C1QTNF3: variants seen among roughly 807,000 people sequenced by gnomAD.
The protein encoded by C1QTNF3 is C1q and TNF related 3.
In C1QTNF3, 26 loss-of-function variants were observed where a neutral mutation model predicts 32.6. That is an observed-to-expected ratio of 0.80 (90% CI 0.58 to 1.11). C1QTNF3 has a LOEUF of 1.11. Among genes scored for constraint, C1QTNF3 ranks in the 50% least tolerant of loss-of-function variants. C1QTNF3 has a pLI of 0.00. For missense variants in C1QTNF3, 362 were observed against 398.2 expected (o/e 0.91, Z 0.77); for synonymous variants, 155 against 146.0 (o/e 1.06, Z -0.44).
chr5:34,140,965 CAT>C, the C1QTNF3 span, among the ~76,000 whole-genome samples: 1 of 152,188 alleles, frequency 6.6e-6, no homozygotes, highest in Non-Finnish European at 1.5e-5. Flanking sequence ...GGTTAATGGA[CAT>C]AGACTCATAA....
Position 34,042,869 on chromosome 5 carries a change from T to C in C1QTNF3, c.257A>G (p.His86Arg). 1.9e-6 allele frequency: 3 copies of C among 1,614,152 alleles called. No individual in the cohort carries two copies. Among genetic ancestry groups the C allele is most frequent in the Non-Finnish European group, 1.7e-6 (2 of 1,180,026 alleles). ...LKSLRPDELP[H>R]PEVDDLAQIT... The stretch of plus-strand genomic sequence containing the variant: ...CTGGGCTAGGTCATCTACCTCGGGG[T>C]GCGGTAGCTCATCTGGTCTCAGGGA... Residue 86 changes from histidine to arginine, a missense_variant, in exon 1 of 6, where the codon CAC becomes CGC. His to Arg is a conservative substitution (Grantham distance 29). Transcript: ENST00000382065.
At chr5:34,080,370 A>G in the C1QTNF3 span, among the ~76,000 whole-genome samples, 3 of 151,816 alleles carry the variant, frequency 2.0e-5, no homozygotes, top group Non-Finnish European at 4.4e-5. Flanking sequence ...TCGAAGAGCT[A>G]CTAAGTGTGA....
chr5:34,084,357 G>A, the C1QTNF3 span, among the ~76,000 whole-genome samples: 75 of 151,876 alleles, frequency 4.9e-4, 6 homozygotes, highest in African/African-American at 1.7e-3. Context: ...GACATTCGCT[G>A]AGAGTAAAGT....
chr5:34,233,980 A>G, the C1QTNF3 span, among the ~76,000 whole-genome samples: 101 of 152,148 alleles, frequency 6.6e-4, no homozygotes, highest in Non-Finnish European at 1.5e-4. Context: ...CCTTTTTCTT[A>G]TTTAAAAAAA....
the C1QTNF3 span, chr5:34,158,793 T>C: frequency 6.6e-6 from 1 of 152,154 alleles, no homozygotes; most frequent in Non-Finnish European, 1.5e-5. Context: ...GAATATTTTT[T>C]CTGTTAATCT....
chr5:34,113,579 T>C, the C1QTNF3 span, among the ~76,000 whole-genome samples: 2 of 152,204 alleles, frequency 1.3e-5, no homozygotes, highest in Non-Finnish European at 2.9e-5. Flanking sequence ...AAAAATGATA[T>C]GACCTTATTA....
the C1QTNF3 span, among the ~76,000 whole-genome samples, chr5:34,059,481 C>T: frequency 4.6e-5 from 7 of 152,198 alleles, no homozygotes; most frequent in East Asian, 3.9e-4. Context: ...ATCAAGGCAC[C>T]ATCAGATTCA....
the C1QTNF3 span, among the ~76,000 whole-genome samples, chr5:34,147,472 C>T: frequency 6.6e-5 from 10 of 152,044 alleles, no homozygotes; most frequent in Admixed American, 3.9e-4. Context: ...TTATGGAGTA[C>T]TACAGAGCCA....
chr5:34,051,980 C>T, the C1QTNF3 span, among the ~76,000 whole-genome samples: 2 of 152,108 alleles, frequency 1.3e-5, no homozygotes, highest in Non-Finnish European at 2.9e-5. Context: ...CTCTGTTGAC[C>T]TTTATAAAAC....
the C1QTNF3 span, among the ~76,000 whole-genome samples, chr5:34,102,839 G>A: frequency 3.3e-5 from 5 of 152,314 alleles, no homozygotes; most frequent in African/African-American, 1.2e-4. Context: ...GTTGTGGGGT[G>A]GGGGCTGGGG....
intron 1 of C1QTNF3, among the ~76,000 whole-genome samples, 153 bp from the exon 2 acceptor site, chr5:34,035,911 G>A (rs1257410823): frequency 6.6e-6 from 1 of 151,966 alleles, no homozygotes; most frequent in African/African-American, 2.4e-5. Context: ...GATATCAATG[G>A]CAAAGGGTCA....
At chr5:34,057,367 A>T in the C1QTNF3 span, among the ~76,000 whole-genome samples, 2 of 152,106 alleles carry the variant, frequency 1.3e-5, no homozygotes, top group Non-Finnish European at 2.9e-5. Context: ...AATGTGTGAA[A>T]CCAAGTCAAG....
chr5:34,168,996 T>C, the C1QTNF3 span: 3 of 152,108 alleles, frequency 2.0e-5, no homozygotes, highest in Admixed American at 2.0e-4. Flanking sequence ...ACAAAAAGGC[T>C]TGAAAGAGGG....
the C1QTNF3 span, among the ~76,000 whole-genome samples, chr5:34,096,318 G>A: frequency 6.7e-6 from 1 of 149,776 alleles, no homozygotes; most frequent in African/African-American, 2.5e-5. Context: ...AGTTCTAGAG[G>A]CTGGGAAGAT....
the C1QTNF3 span, among the ~76,000 whole-genome samples, chr5:34,237,284 A>G: frequency 6.6e-6 from 1 of 152,164 alleles, no homozygotes; most frequent in African/African-American, 2.4e-5. Flanking sequence ...CACACGTAAC[A>G]CCCTCCTTGA....
the C1QTNF3 span, among the ~76,000 whole-genome samples, chr5:34,049,180 T>C: frequency 2.6e-5 from 4 of 152,204 alleles, no homozygotes; most frequent in African/African-American, 9.7e-5. Flanking sequence ...CTGTAGCTGG[T>C]TCCAGGTCAG....
the C1QTNF3 span, among the ~76,000 whole-genome samples, chr5:34,074,298 G>A: frequency 6.6e-6 from 1 of 151,714 alleles, no homozygotes; most frequent in African/African-American, 2.4e-5. Context: ...CAAACAATTT[G>A]AGAAAGAATC....
rs1293172093 is a variant in C1QTNF3, at chr5:34,020,356, T to A, written c.*227A>T. ...GGTGCCAAGGAAAGAGTGATAAAGA[T>A]GCTGAGTATATTAGTCAAGGTCATC... On this transcript the variant is annotated 3_prime_UTR_variant, in exon 6 of 6. Coordinates refer to ENST00000382065, the MANE Select transcript of C1QTNF3 (RefSeq NM_181435.6). The A allele has an allele frequency of 9.0e-6, 4 of 445,914 alleles. No individual in the cohort carries two copies. The highest frequency in any genetic ancestry group is 1.6e-5 in the Non-Finnish European group (4 of 252,506). The allele number at this position is 445,914 out of a possible 1,614,324, so 27.6% of individuals were successfully genotyped here. A position where few individuals can be genotyped will look rare whatever the true frequency, so the allele number is the denominator to read the frequency against.
chr5:34,145,423 T>A, the C1QTNF3 span, among the ~76,000 whole-genome samples: 61 of 151,836 alleles, frequency 4.0e-4, no homozygotes, highest in African/African-American at 1.4e-3. Flanking sequence ...AGATAATACC[T>A]CAGAATTGAA....
Sources: gnomAD v4.1 joint callset for allele counts (sites outside exome capture counted in the v4.1 genomes callset) on GRCh38, gnomAD v4.1.1 for gene constraint, MANE v1.5 for transcripts, NCBI Gene and HGNC (gene_info 2026-07-23, HGNC 2026-07-21) for gene names.